KIRREL3: variants seen among roughly 807,000 people sequenced by gnomAD.
KIRREL3 encodes kirre like nephrin family adhesion molecule 3, also known as kin of IRRE-like protein 3.
Under a neutral mutation model 89.7 loss-of-function variants are expected in KIRREL3, and 36 were observed. That is an observed-to-expected ratio of 0.40 (90% CI 0.31 to 0.53). KIRREL3 has a LOEUF of 0.53. Among genes scored for constraint, KIRREL3 ranks in the 20% least tolerant of loss-of-function variants. The pLI, the probability that KIRREL3 is intolerant of heterozygous loss-of-function variation, is 0.49. For synonymous variants in KIRREL3, 445 were observed against 441.4 expected, an observed-to-expected ratio of 1.01 and a Z score of -0.10; for missense variants, 864 against 1,056.6, an observed-to-expected ratio of 0.82 and a Z score of 2.53.
chr11:126,872,341 G>T lies in KIRREL3; in HGVS notation c.55+128114C>A, dbSNP rs1453513460. On this transcript the variant is annotated intron_variant, in intron 1 of 16. Coordinates refer to ENST00000525144, the MANE Select transcript of KIRREL3 (RefSeq NM_032531.4). This position sits in a 1 kb window ranked among gnomAD's most constrained non-coding sequence, Gnocchi z 4.2. ...TCTTAATTTGCATGTAAATAAAGGG[G>T]GTATAAACACAGTTGTCAGCAGCCC... Among the ~76,000 whole-genome samples, 2 of 152,184 alleles carry T rather than the reference G, an allele frequency of 1.3e-5. No homozygotes were observed. The highest frequency in any genetic ancestry group is 2.9e-5 in the Non-Finnish European group (2 of 68,030).
intron 1 of KIRREL3, among the ~76,000 whole-genome samples, chr11:126,632,340 C>G (rs934664688): frequency 6.6e-6 from 1 of 152,216 alleles, no homozygotes; most frequent in Non-Finnish European, 1.5e-5. Context: ...TCTTGCTTCA[C>G]TGACTGTGGT....
Position 126,459,802 on chromosome 11 carries a change from A to C in KIRREL3, c.743-3348T>G, listed in dbSNP as rs1956487013. ...GGAAAAGAGAGAATCTTCATGACTC[A>C]GTGATTTTGTAGCACATTCATTTGA... On this transcript the variant is annotated intron_variant, in intron 6 of 16. Transcript: ENST00000525144. This position sits in a 1 kb window ranked among gnomAD's most constrained non-coding sequence, Gnocchi z 4.8. Among the ~76,000 whole-genome samples the C allele has an allele frequency of 6.6e-6, 1 of 152,188 alleles. No individual in the cohort carries two copies. The highest frequency in any genetic ancestry group is 1.5e-5 in the Non-Finnish European group (1 of 68,048).
rs1447848541 is a variant in KIRREL3, at chr11:126,476,651, TGGGGGTGGGGGCTGGGG to T, written c.434-3202_434-3186del. On this transcript the variant is annotated intron_variant, in intron 4 of 16. Coordinates refer to ENST00000525144, the MANE Select transcript of KIRREL3 (RefSeq NM_032531.4). The surrounding 1 kb of genome is among the most constrained non-coding windows in gnomAD (Gnocchi z 6.4). ...GGTCTTCGCTTCACTGCACACCAGA[TGGGGGTGGGGGCTGGGG>T]GGGGGTGGGGGTTGGTGAGGATGGA... Among the ~76,000 whole-genome samples the T allele has an allele frequency of 6.9e-4, 5 of 7,296 alleles. No individual in the cohort carries two copies. The East Asian group carries it at 0.012, about 18-fold the overall frequency. The allele number at this position is 7,296 out of a possible 152,430, so 4.8% of individuals were successfully genotyped here. A position where few individuals can be genotyped will look rare whatever the true frequency, so the allele number is the denominator to read the frequency against.
chr11:126,978,253 C>T lies in KIRREL3; in HGVS notation c.55+22202G>A, dbSNP rs1239633076. Among the ~76,000 whole-genome samples the T allele has an allele frequency of 1.3e-5, 2 of 152,238 alleles. No individual in the cohort carries two copies. The highest frequency in any genetic ancestry group is 4.8e-5 in the African/African-American group (2 of 41,454). ...ACATTTTCTTTGAAAGGTGACCCTG[C>T]TCCACTTCCTCTACCAACATTCTTC... On this transcript the variant is annotated intron_variant, in intron 1 of 16. Transcript: ENST00000525144. This position sits in a 1 kb window ranked among gnomAD's most constrained non-coding sequence, Gnocchi z 4.2.
chr11:126,894,786 A>G (rs1321726396), intron 1 of KIRREL3, among the ~76,000 whole-genome samples: 1 of 151,866 alleles, frequency 6.6e-6, no homozygotes, highest in East Asian at 1.9e-4. Flanking sequence ...AAGTATAATA[A>G]AGAGGCTCCA....
chr11:126,585,217 CCT>C (rs1941768956), intron 1 of KIRREL3, among the ~76,000 whole-genome samples: 2 of 141,072 alleles, frequency 1.4e-5, no homozygotes, highest in East Asian at 2.1e-4. Flanking sequence ...CCGCGCCCGG[CCT>C]CTTTTTTTTT....
intron 1 of KIRREL3, among the ~76,000 whole-genome samples, chr11:126,690,947 G>A (rs1307897784): frequency 6.6e-6 from 1 of 152,178 alleles, no homozygotes; most frequent in African/African-American, 2.4e-5. Flanking sequence ...ACTTGCCTTG[G>A]TTTCTAACTT....
At chr11:126,851,142 C>T (rs542806523) in intron 1 of KIRREL3, among the ~76,000 whole-genome samples, 1 of 152,296 alleles carries the variant, frequency 6.6e-6, no homozygotes, top group African/African-American at 2.4e-5. Context: ...GATCATTCTG[C>T]CAATGTCCAA....
At chr11:126,882,948 AG>A in intron 1 of KIRREL3, among the ~76,000 whole-genome samples, 1 of 152,236 alleles carries the variant, frequency 6.6e-6, no homozygotes, top group Non-Finnish European at 1.5e-5. Context: ...TAGAGACAAC[AG>A]GGGTGAGTGT....
chr11:126,535,591 G>GTGTA lies in KIRREL3; in HGVS notation c.134-8905_134-8904insTACA, dbSNP rs1190393059. 2.0e-5 allele frequency among the ~76,000 whole-genome samples: 3 copies of GTGTA among 151,038 alleles called. No individual in the cohort carries two copies. Among genetic ancestry groups the GTGTA allele is most frequent in the Admixed American group, 6.6e-5 (1 of 15,134 alleles). ...CTGGGTCGGGTGTGTGTGTGTGTGT[G>GTGTA]TGCACGTGGGTGTGTTTGTCAGATT... On this transcript the variant is annotated intron_variant, in intron 2 of 16. Transcript: ENST00000525144. The surrounding 1 kb of genome is among the most constrained non-coding windows in gnomAD (Gnocchi z 4.5).
chr11:126,849,198 C>A (rs746713637), intron 1 of KIRREL3, among the ~76,000 whole-genome samples: 1 of 152,134 alleles, frequency 6.6e-6, no homozygotes, highest in Non-Finnish European at 1.5e-5. Flanking sequence ...TGAGAGTGAC[C>A]TCTGGTCGTC....
chr11:126,980,767 A>C (rs923360266), intron 1 of KIRREL3, among the ~76,000 whole-genome samples: 1 of 152,178 alleles, frequency 6.6e-6, no homozygotes, highest in African/African-American at 2.4e-5. Flanking sequence ...TAGGACCCCA[A>C]TTGGGGAGAA....
At position 126,755,889 on chromosome 11, in the gene KIRREL3, A is replaced by G. The variant is rs1448461997; in HGVS notation, c.56-192977T>C. ...GGAGAGAGAAAAAACAGAGAGAGAG[A>G]GAGAGAGAGAAGACTGAGCTGAGCA... On this transcript the variant is annotated intron_variant, in intron 1 of 16. Coordinates refer to ENST00000525144, the MANE Select transcript of KIRREL3 (RefSeq NM_032531.4). This position sits in a 1 kb window ranked among gnomAD's most constrained non-coding sequence, Gnocchi z 4.3. Among the ~76,000 whole-genome samples the G allele has an allele frequency of 2.0e-5, 3 of 151,792 alleles. No individual in the cohort carries two copies. The highest frequency in any genetic ancestry group is 4.4e-5 in the Non-Finnish European group (3 of 67,980).
rs1286835545 is a variant in KIRREL3, at chr11:126,969,700, G to A, written c.55+30755C>T. The stretch of plus-strand genomic sequence containing the variant: ...AGCCATGATGCTTTTCCACGCCCTT[G>A]ATGACACAGGCTTATTTGAATAATT... On this transcript the variant is annotated intron_variant, in intron 1 of 16. Transcript: ENST00000525144. The surrounding 1 kb of genome is among the most constrained non-coding windows in gnomAD (Gnocchi z 4.9). 6.6e-6 allele frequency among the ~76,000 whole-genome samples: 1 copy of A among 152,150 alleles called. No individual in the cohort carries two copies. The highest frequency in any genetic ancestry group is 2.4e-5 in the African/African-American group (1 of 41,428).
intron 1 of KIRREL3, among the ~76,000 whole-genome samples, chr11:126,713,044 G>A (rs1947824157): frequency 6.6e-6 from 1 of 152,160 alleles, no homozygotes; most frequent in Non-Finnish European, 1.5e-5. Context: ...TCTCTCATAG[G>A]AGTGGCAGAT....
intron 1 of KIRREL3, among the ~76,000 whole-genome samples, chr11:126,848,502 G>C (rs2134552633): frequency 6.6e-6 from 1 of 152,270 alleles, no homozygotes; most frequent in South Asian, 2.1e-4. Flanking sequence ...CTGCTACTCA[G>C]AAGAAACAAG....
intron 10 of KIRREL3, 31 bp from the exon 11 acceptor site, chr11:126,440,580 C>A: frequency 6.4e-7 from 1 of 1,557,068 alleles, no homozygotes; most frequent in East Asian, 2.4e-5. Flanking sequence ...ATTAGGCACC[C>A]GGGAAGGGCA....
At chr11:126,602,640 A>G (rs1206237763) in intron 1 of KIRREL3, among the ~76,000 whole-genome samples, 1 of 152,092 alleles carries the variant, frequency 6.6e-6, no homozygotes, top group African/African-American at 2.4e-5. Flanking sequence ...CCATCACAGA[A>G]AGGCAGGCAT....
Position 126,491,758 on chromosome 11 carries a change from G to A in KIRREL3, c.434-18292C>T, listed in dbSNP as rs1165563578. On this transcript the variant is annotated intron_variant, in intron 4 of 16. Transcript: ENST00000525144. The surrounding 1 kb of genome is among the most constrained non-coding windows in gnomAD (Gnocchi z 5.5). ...GCTCTGTCACCCAAGCTGGAGTTCA[G>A]TGGCATGATCTCGGCTCACTGCAAC... 6.6e-6 allele frequency among the ~76,000 whole-genome samples: 1 copy of A among 151,984 alleles called. No individual in the cohort carries two copies. The highest frequency in any genetic ancestry group is 2.4e-5 in the African/African-American group (1 of 41,340).
Sources: gnomAD v4.1 joint callset for allele counts (sites outside exome capture counted in the v4.1 genomes callset) on GRCh38, gnomAD v4.1.1 for gene constraint, Gnocchi (gnomAD v3.1) non-coding constraint, MANE v1.5 for transcripts, NCBI Gene and HGNC (gene_info 2026-07-23, HGNC 2026-07-21) for gene names.